TDRD9: variants seen among roughly 807,000 people sequenced by gnomAD.
TDRD9 encodes the protein tudor domain containing 9, also known as ATP-dependent RNA helicase TDRD9.
TDRD9 carries 124 observed loss-of-function variants against 172.6 expected under a neutral mutation model. That is an observed-to-expected ratio of 0.72 (90% confidence interval 0.62 to 0.83). The LOEUF (loss-of-function observed/expected upper bound fraction) is 0.83, where lower values mean the gene tolerates loss of function less well. Ranked by LOEUF, TDRD9 falls within the 40% of genes least tolerant of loss-of-function variation. The probability of loss-of-function intolerance (pLI) is 0.00; values close to 1 mark genes in which losing one functional copy is unlikely to be tolerated. For synonymous variants in TDRD9, 619 were observed against 617.1 expected, an observed-to-expected ratio of 1.00 and a Z score of -0.05; for missense variants, 1,479 against 1,714.1, an observed-to-expected ratio of 0.86 and a Z score of 2.42.
intron 8 of TDRD9, among the ~76,000 whole-genome samples, chr14:103,990,193 C>T (rs2033816659): frequency 1.3e-5 from 2 of 152,260 alleles, no homozygotes; most frequent in African/African-American, 2.4e-5. Flanking sequence ...TTGCCAGCAT[C>T]CCATGCAGGC....
intron 12 of TDRD9, 118 bp downstream of exon 12, chr14:103,995,925 C>T: frequency 2.2e-6 from 2 of 908,218 alleles, no homozygotes; most frequent in Non-Finnish European, 3.2e-6. Flanking sequence ...TTTTGGAACA[C>T]AGAATTGAGA....
At chr14:104,021,428 C>T (rs1299092744) in intron 23 of TDRD9, among the ~76,000 whole-genome samples, 3 of 152,180 alleles carry the variant, frequency 2.0e-5, no homozygotes, top group African/African-American at 7.2e-5. Context: ...GGCGCTGTGG[C>T]TCAGTCCTGT....
At position 103,934,569 on chromosome 14, in the gene TDRD9, G is replaced by A. The variant is rs540921644; in HGVS notation, c.215+5845G>A. Among the ~76,000 whole-genome samples the A allele has an allele frequency of 7.4e-4, 113 of 152,306 alleles. No individual in the cohort carries two copies. In the South Asian group the frequency reaches 0.012, roughly 16 times the overall value. On this transcript the variant is annotated intron_variant, in intron 1 of 35. Coordinates refer to ENST00000409874, the MANE Select transcript of TDRD9 (RefSeq NM_153046.3). Reference sequence around the variant, plus strand: ...CGAGGCGGGTGGATCATGAAGTCAGGAGATGGAGACCATCCTGGCTAATAC... The same window carrying A: ...CGAGGCGGGTGGATCATGAAGTCAGAAGATGGAGACCATCCTGGCTAATAC...
intron 11 of TDRD9, 147 bp downstream of exon 11, chr14:103,994,750 C>T (rs1372943021): frequency 6.1e-6 from 4 of 654,422 alleles, no homozygotes; most frequent in Non-Finnish European, 1.0e-5. Flanking sequence ...CATTTGAGCT[C>T]AGGAATTTGA....
chr14:103,933,833 A>G (rs1007277900), intron 1 of TDRD9, among the ~76,000 whole-genome samples: 2 of 152,356 alleles, frequency 1.3e-5, no homozygotes, highest in African/African-American at 4.8e-5. Flanking sequence ...GGGGGAAGTT[A>G]AGATCAGAGA....
intron 9 of TDRD9, 66 bp from the exon 10 acceptor site, chr14:103,994,266 A>T: frequency 1.5e-6 from 2 of 1,359,944 alleles, no homozygotes; most frequent in Non-Finnish European, 2.1e-6. Flanking sequence ...ATTTTAATTT[A>T]AAGGTTGGTT....
rs548692533 is a variant in TDRD9, at chr14:104,005,219, G to A, written c.1582-55G>A. The A allele has an allele frequency of 7.9e-5, 125 of 1,576,270 alleles. No individual in the cohort carries two copies. In the African/African-American group the frequency reaches 1.5e-3, roughly 19 times the overall value. Reference sequence around the variant, plus strand: ...CTCTGAAGCACTGGTTATGTGAATCGGCTAACTGATTTAGTTATGTTATTA... The same window carrying A: ...CTCTGAAGCACTGGTTATGTGAATCAGCTAACTGATTTAGTTATGTTATTA... On this transcript the variant is annotated intron_variant, in intron 14 of 35. Coordinates refer to ENST00000409874, the MANE Select transcript of TDRD9 (RefSeq NM_153046.3).
At chr14:103,940,888 TAACTG>T (rs2152119618) in intron 1 of TDRD9, 1 of 1,535,338 alleles carries the variant, frequency 6.5e-7, no homozygotes, top group South Asian at 1.2e-5. Flanking sequence ...TTTGTCTACG[TAACTG>T]GAAATGGTGG....
intron 1 of TDRD9, among the ~76,000 whole-genome samples, chr14:103,931,704 T>C (rs1014467237): frequency 6.6e-6 from 1 of 152,182 alleles, no homozygotes; most frequent in East Asian, 1.9e-4. Context: ...CTATGTAATG[T>C]TACATGGTGA....
At chr14:104,049,582 G>A in intron 34 of TDRD9, 26 bp from the exon 35 acceptor site, 1 of 1,509,494 alleles carries the variant, frequency 6.6e-7, no homozygotes, top group Non-Finnish European at 9.0e-7. Flanking sequence ...ATATAATTAA[G>A]ATAATTTCTT....
At chr14:104,051,155 A>G (rs942009182) in intron 35 of TDRD9, among the ~76,000 whole-genome samples, 1 of 152,006 alleles carries the variant, frequency 6.6e-6, no homozygotes. Context: ...TCTTGTTCCC[A>G]TCTTATGTCC....
intron 35 of TDRD9, among the ~76,000 whole-genome samples, chr14:104,050,535 C>T (rs933270701): frequency 1.3e-4 from 20 of 152,214 alleles, no homozygotes; most frequent in Admixed American, 9.2e-4. Flanking sequence ...AGATACAAAG[C>T]AGCAGGGGCA....
intron 7 of TDRD9, among the ~76,000 whole-genome samples, chr14:103,979,538 A>G (rs1394842029): frequency 6.6e-6 from 1 of 152,190 alleles, no homozygotes; most frequent in Non-Finnish European, 1.5e-5. Context: ...GAACTCTGGT[A>G]GGAACCAATA....
At chr14:103,946,722 C>CA (rs2031579210) in intron 1 of TDRD9, among the ~76,000 whole-genome samples, 1 of 152,174 alleles carries the variant, frequency 6.6e-6, no homozygotes, top group Non-Finnish European at 1.5e-5. Context: ...AAAGTTAACA[C>CA]ACAAAATTCA....
chr14:104,045,621 A>G (rs2035748799), intron 34 of TDRD9, among the ~76,000 whole-genome samples: 1 of 152,220 alleles, frequency 6.6e-6, no homozygotes, highest in African/African-American at 2.4e-5. Context: ...CTGTGGTTTG[A>G]ATGTGATATG....
intron 33 of TDRD9, among the ~76,000 whole-genome samples, chr14:104,040,776 C>T (rs1385975281): frequency 6.6e-6 from 1 of 152,232 alleles, no homozygotes; most frequent in Non-Finnish European, 1.5e-5. Context: ...AGCGTGAGTG[C>T]AGAGCTGAGC....
chr14:104,026,590 C>A (rs1380846337), intron 27 of TDRD9, 89 bp from the exon 28 acceptor site: 3 of 1,427,280 alleles, frequency 2.1e-6, no homozygotes, highest in Non-Finnish European at 2.9e-6. Context: ...ATTGAAGGTA[C>A]ATGAACAAGG....
At chr14:104,016,127 TG>T in intron 22 of TDRD9, 39 bp downstream of exon 22, 1 of 1,388,764 alleles carries the variant, frequency 7.2e-7, no homozygotes, top group Non-Finnish European at 1.0e-6. Context: ...TGGGGTGTGG[TG>T]GGGCAGAACA....
At chr14:103,939,741 G>GTTTTT (rs1322302073) in intron 1 of TDRD9, 102 of 4,656 alleles carry the variant, frequency 0.022, 6 homozygotes, top group South Asian at 0.058. Context: ...TTGAAAAAAA[G>GTTTTT]TGTTTTTTTT....
Sources: gnomAD v4.1 joint callset for allele counts (sites outside exome capture counted in the v4.1 genomes callset) on GRCh38, gnomAD v4.1.1 for gene constraint, MANE v1.5 for transcripts, NCBI Gene and HGNC (gene_info 2026-07-23, HGNC 2026-07-21) for gene names.